Variants in CEP104 observed in about 807,000 individuals in gnomAD.
The protein encoded by CEP104 is centrosomal protein 104.
In CEP104, 84 loss-of-function variants were observed where a neutral mutation model predicts 113.3. The observed-to-expected ratio is 0.74, with a 90% CI of 0.62 to 0.89. The LOEUF is 0.89. CEP104 is among the 40% of genes least tolerant of loss of function. CEP104 has a pLI of 0.00. For synonymous variants in CEP104, 378 were observed against 421.7 expected (o/e 0.90, Z 1.27); for missense variants, 1,053 against 1,156.6 (o/e 0.91, Z 1.30).
rs183788038 is a variant in CEP104 at position 3,832,938 on chromosome 1, C to T, written c.1659+924G>A. Among the ~76,000 whole-genome samples the T allele has an allele frequency of 2.9e-3, 434 of 151,954 alleles. 3 individuals carry two copies. The highest frequency in any genetic ancestry group is 0.01 in the African/African-American group (415 of 41,442). ...CCAAATGATCTGCCTGCCTTGGTCT[C>T]CCAAAGTGCTGGGATTATGGGCGTG... On this transcript the variant is annotated intron_variant, in intron 12 of 21. Transcript: ENST00000378230.
intron 15 of CEP104, among the ~76,000 whole-genome samples, chr1:3,827,847 C>A (rs1267695151): frequency 6.6e-6 from 1 of 152,230 alleles, no homozygotes; most frequent in Non-Finnish European, 1.5e-5. Flanking sequence ...TCGTCTGCTC[C>A]TCCCTGGAGC....
chr1:3,855,196 T>A (rs1456068096), intron 1 of CEP104, among the ~76,000 whole-genome samples: 31 of 105,632 alleles, frequency 2.9e-4, no homozygotes, highest in African/African-American at 8.0e-4. Context: ...TTTTTTTTTT[T>A]AATACAGGTT....
chr1:3,829,051 G>A (rs1213038477), intron 15 of CEP104, among the ~76,000 whole-genome samples: 2 of 152,218 alleles, frequency 1.3e-5, no homozygotes, highest in Non-Finnish European at 2.9e-5. Flanking sequence ...AATTCTGACA[G>A]AGGATGGAGG....
At position 3,836,640 on chromosome 1, in the gene CEP104, T is replaced by C; in HGVS notation, c.1172A>G (p.Tyr391Cys). The change falls in exon 10 of 22, where the codon TAT (tyrosine) becomes TGT (cysteine). Residue 391 changes from tyrosine (Y) to cysteine (C), a missense_variant. Physicochemically the swap from Tyr to Cys is radical, Grantham distance 194. Coordinates refer to ENST00000378230, the MANE Select transcript of CEP104 (RefSeq NM_014704.4). ...TTCCGGCTCCACCACTGCCTCCCCA[T>C]AATGCTTACGAATAGCTGGAAGAGG... ...ERPLPAIRKH[Y>C]GEAVVEPEMS... 1 of 1,613,868 alleles carries C rather than the reference T, an allele frequency of 6.2e-7. No homozygotes were observed.
intron 6 of CEP104, among the ~76,000 whole-genome samples, chr1:3,842,489 G>A (rs938915378): frequency 6.6e-5 from 10 of 152,194 alleles, no homozygotes; most frequent in South Asian, 2.1e-4. Context: ...GTGGGGAGGC[G>A]GTGTAGCCTC....
Position 3,847,605 on chromosome 1 carries a change from G to A in CEP104, c.296C>T (p.Ser99Phe). 1 of 1,614,084 alleles carries A rather than the reference G, an allele frequency of 6.2e-7. No individual in the cohort carries two copies. ...AERFRRLGYVSLCDNEKTGCK... is the reference protein window; with the variant it reads ...AERFRRLGYVFLCDNEKTGCK... ...ACCTGTCTTTTCATTATCACAGAGA[G>A]ACACGTAGCTGAAAAACAAAACACA... The change falls in exon 4 of 22, where the codon TCT becomes TTT. Residue 99 changes from serine to phenylalanine, a missense_variant. Ser to Phe is a radical substitution (Grantham distance 155). Transcript: ENST00000378230.
rs934935081 is a variant in CEP104, at chr1:3,823,214, C to T, written c.2531G>A (p.Arg844Gln). The T allele has an allele frequency of 3.7e-6, 6 of 1,614,064 alleles. No individual in the cohort carries two copies. Among genetic ancestry groups the T allele is most frequent in the Admixed American group, 3.3e-5 (2 of 60,006 alleles). ...GAAGTTCTCATGACACAGGGGACAC[C>T]GGTTTGCCAGCTTCTCCGGTTTGGC... is the stretch of plus-strand genomic sequence containing the variant. Reference protein sequence around the residue: ...NPAKPEKLANRCPLCHENFSP... With the variant: ...NPAKPEKLANQCPLCHENFSP... Residue 844 changes from arginine to glutamine, a missense_variant, in exon 20 of 22, where the codon CGG becomes CAG. By Grantham distance (43) the Arg-to-Gln change is conservative (BLOSUM62 1). Coordinates refer to ENST00000378230, the MANE Select transcript of CEP104 (RefSeq NM_014704.4). This position sits in a 1 kb window ranked among gnomAD's most constrained non-coding sequence, Gnocchi z 4.1.
chr1:3,845,175 C>T, intron 5 of CEP104, 114 bp downstream of exon 5: 3 of 884,088 alleles, frequency 3.4e-6, no homozygotes, highest in South Asian at 3.2e-5. Flanking sequence ...AAGTTATTCA[C>T]TAGTCAATTT....
chr1:3,839,468 C>T (rs569361562), intron 7 of CEP104, 140 bp downstream of exon 7: 1 of 799,376 alleles, frequency 1.3e-6, no homozygotes, highest in Non-Finnish European at 2.0e-6. Flanking sequence ...GTCTCCGTAA[C>T]TTTATTTTGC....
chr1:3,833,258 T>G (rs991027671), intron 12 of CEP104, among the ~76,000 whole-genome samples: 1 of 152,078 alleles, frequency 6.6e-6, no homozygotes, highest in Non-Finnish European at 1.5e-5. Flanking sequence ...GGATTACAGG[T>G]GTGAGCCACC....
At position 3,823,424 on chromosome 1, in the gene CEP104, G is replaced by A. The variant is rs548824624; in HGVS notation, c.2503C>T (p.Pro835Ser). Residue 835 changes from proline to serine, a missense_variant and splice_region_variant, in exon 19 of 22, where the codon CCT (proline) becomes TCT (serine). Transcript: ENST00000378230. This position sits in a 1 kb window ranked among gnomAD's most constrained non-coding sequence, Gnocchi z 4.1. ...CGGGAGCCTGGGAAGGGGCACTCAC[G>A]GTTGCAATCCTTGTGTTTTATGTGT... ...PRHIKHKDCNPAKPEKLANRC... is the reference protein window; with the variant it reads ...PRHIKHKDCNSAKPEKLANRC... 5.4e-5 allele frequency: 87 copies of A among 1,614,164 alleles called. 2 individuals are homozygous for A. The South Asian group carries it at 8.3e-4, about 15-fold the overall frequency.
intron 16 of CEP104, 37 bp from the exon 17 acceptor site, chr1:3,826,473 G>T (rs1457267764): frequency 6.4e-6 from 10 of 1,569,360 alleles, no homozygotes; most frequent in South Asian, 1.1e-5. Flanking sequence ...ACTTTTTATA[G>T]AAATTATTTT....
chr1:3,816,420 C>T, intron 20 of CEP104, 50 bp from the exon 21 acceptor site: 1 of 1,444,160 alleles, frequency 6.9e-7, no homozygotes, highest in Non-Finnish European at 9.4e-7. Context: ...ACGGACCTGG[C>T]ACGCTACCTG....
In CEP104 at chr1:3,838,982, G is replaced by T; in HGVS notation, c.873C>A (p.Ser291Arg). The T allele has an allele frequency of 3.7e-6, 6 of 1,614,108 alleles. No individual in the cohort carries two copies. Among genetic ancestry groups the T allele is most frequent in the Non-Finnish European group, 5.1e-6 (6 of 1,180,016 alleles). The change falls in exon 8 of 22, where the codon AGC (serine) becomes AGA (arginine). Residue 291 changes from serine to arginine, a missense_variant. Coordinates refer to ENST00000378230, the MANE Select transcript of CEP104 (RefSeq NM_014704.4). ...AEVYEQLELHSLLDAELMRRP... is the reference protein window; with the variant it reads ...AEVYEQLELHRLLDAELMRRP... ...CACCCACCAGCTCGGCATCCAGGAGGCTGTGCAGCTCCAGCTGCTCGTACA... is the reference window on the plus strand; with the variant it reads ...CACCCACCAGCTCGGCATCCAGGAGTCTGTGCAGCTCCAGCTGCTCGTACA...
intron 18 of CEP104, 50 bp downstream of exon 18, chr1:3,825,708 C>T: frequency 8.4e-7 from 1 of 1,194,200 alleles, no homozygotes; most frequent in Non-Finnish European, 1.3e-6. Context: ...TTTCAACAGC[C>T]AGGTGTTCCC....
intron 15 of CEP104, among the ~76,000 whole-genome samples, 169 bp downstream of exon 15, chr1:3,829,097 C>G (rs1644148592): frequency 6.6e-6 from 1 of 152,180 alleles, no homozygotes; most frequent in Admixed American, 6.5e-5. Flanking sequence ...TTCCACCTCT[C>G]CATGGAGGGC....
In CEP104 at chr1:3,823,812, T is replaced by C. The variant is rs1457477636; in HGVS notation, c.2365-250A>G. ...ATCGGGCAGGGGCCACTGTCAAGGA[T>C]GGGGAAGCTACGGTCGGCCTGAGTG... is the stretch of plus-strand genomic sequence containing the variant. On this transcript the variant is annotated intron_variant, in intron 18 of 21. Coordinates refer to ENST00000378230, the MANE Select transcript of CEP104 (RefSeq NM_014704.4). This position sits in a 1 kb window ranked among gnomAD's most constrained non-coding sequence, Gnocchi z 4.1. 6.6e-6 allele frequency among the ~76,000 whole-genome samples: 1 copy of C among 152,142 alleles called. No individual in the cohort carries two copies. The highest frequency in any genetic ancestry group is 2.4e-5 in the African/African-American group (1 of 41,442).
chr1:3,832,956 TG>T (rs1251379615), intron 12 of CEP104, among the ~76,000 whole-genome samples: 3 of 151,270 alleles, frequency 2.0e-5, no homozygotes, highest in Non-Finnish European at 4.4e-5. Context: ...GCTGGGATTA[TG>T]GGCGTGAGCC....
In CEP104 at chr1:3,836,477, T is replaced by C; in HGVS notation, c.1317+18A>G. The C allele has an allele frequency of 6.9e-7, 1 of 1,451,480 alleles. No individual in the cohort carries two copies. The highest frequency in any genetic ancestry group is 9.0e-7 in the Non-Finnish European group (1 of 1,105,410). 89.9% of individuals were successfully genotyped at this position (1,451,480 alleles called of 1,614,324 possible). ...TCCCCTCTGCCACCCCGTTTTTTTT[T>C]TTTTTTTTTTTTTTTACCAAGGTTT... is the stretch of plus-strand genomic sequence containing the variant. On this transcript the variant is annotated intron_variant, in intron 10 of 21. Coordinates refer to ENST00000378230, the MANE Select transcript of CEP104 (RefSeq NM_014704.4).
Sources: gnomAD v4.1 joint callset for allele counts (sites outside exome capture counted in the v4.1 genomes callset) on GRCh38, gnomAD v4.1.1 for gene constraint, Gnocchi (gnomAD v3.1) non-coding constraint, MANE v1.5 for transcripts, NCBI Gene and HGNC (gene_info 2026-07-23, HGNC 2026-07-21) for gene names.